BPTF: variants seen among roughly 807,000 people sequenced by gnomAD.
The protein encoded by BPTF is nucleosome-remodeling factor subunit BPTF.
Under a neutral mutation model 292.5 loss-of-function variants are expected in BPTF, and 18 were observed. That is an observed-to-expected ratio of 0.06 (90% CI 0.04 to 0.09). The LOEUF (loss-of-function observed/expected upper bound fraction) is 0.09, where lower values mean the gene tolerates loss of function less well. Ranked by LOEUF, BPTF falls within the 10% of genes least tolerant of loss-of-function variation. BPTF has a pLI of 1.00. For synonymous variants in BPTF, 1,225 were observed against 1,251.9 expected, an observed-to-expected ratio of 0.98 and a Z score of 0.45; for missense variants, 2,726 against 3,498.7, an observed-to-expected ratio of 0.78 and a Z score of 5.57.
chr17:67,870,927 G>A (rs926759414), intron 3 of BPTF, among the ~76,000 whole-genome samples: 1 of 151,164 alleles, frequency 6.6e-6, no homozygotes, highest in East Asian at 1.9e-4. Flanking sequence ...CCGCCACTAC[G>A]CCCGGCTAAT....
chr17:67,828,914 C>T (rs1438910223), intron 1 of BPTF, among the ~76,000 whole-genome samples: 1 of 152,210 alleles, frequency 6.6e-6, no homozygotes, highest in Non-Finnish European at 1.5e-5. Flanking sequence ...AAGTATTGAG[C>T]TTATTCCCCC....
chr17:67,945,258 G>A (rs2065718101), intron 20 of BPTF, 151 bp from the exon 21 acceptor site: 7 of 1,383,220 alleles, frequency 5.1e-6, no homozygotes, highest in East Asian at 4.9e-5. Flanking sequence ...TTGCTCAAAC[G>A]ATCCTCCCAC....
At chr17:67,882,541 A>G (rs1415702512) in intron 4 of BPTF, among the ~76,000 whole-genome samples, 1 of 152,226 alleles carries the variant, frequency 6.6e-6, no homozygotes, top group Non-Finnish European at 1.5e-5. Flanking sequence ...GTGCATTAAT[A>G]ATAAGAGGAA....
intron 26 of BPTF, among the ~76,000 whole-genome samples, 196 bp downstream of exon 26, chr17:67,966,852 A>G (rs1363767487): frequency 1.3e-5 from 2 of 152,166 alleles, no homozygotes; most frequent in Admixed American, 6.6e-5. Flanking sequence ...CTGTAATCCC[A>G]GCACTTTGGG....
Position 67,913,194 on chromosome 17 carries a change from A to G in BPTF, c.5303+7A>G, listed in dbSNP as rs1239693152. The G allele has an allele frequency of 9.0e-6, 14 of 1,563,234 alleles. No individual in the cohort carries two copies. The highest frequency in any genetic ancestry group is 2.1e-5 in the Admixed American group (1 of 47,560). ...CCTTTGGCATCACTTGGAGGTATGTACTTTAAAATGTATTTGGGGGAGGGA... is the reference window on the plus strand; with the variant it reads ...CCTTTGGCATCACTTGGAGGTATGTGCTTTAAAATGTATTTGGGGGAGGGA... On this transcript the variant is annotated splice_region_variant and intron_variant, in intron 11 of 27. Coordinates refer to ENST00000306378, the MANE Select transcript of BPTF (RefSeq NM_182641.4).
intron 12 of BPTF, among the ~76,000 whole-genome samples, chr17:67,919,724 T>C (rs2063311179): frequency 6.6e-6 from 1 of 152,208 alleles, no homozygotes; most frequent in Non-Finnish European, 1.5e-5. Flanking sequence ...TGGAGGCCTG[T>C]GCTTGCTGCT....
At chr17:67,942,767 C>G (rs1555672567) in intron 19 of BPTF, among the ~76,000 whole-genome samples, 1 of 152,106 alleles carries the variant, frequency 6.6e-6, no homozygotes, top group Non-Finnish European at 1.5e-5. Flanking sequence ...GTAGTATATT[C>G]CTACAGCAAT....
At chr17:67,971,670 G>A (rs962972870) in intron 26 of BPTF, among the ~76,000 whole-genome samples, 1 of 151,782 alleles carries the variant, frequency 6.6e-6, no homozygotes, top group Admixed American at 6.6e-5. Flanking sequence ...CGGGCATGGT[G>A]GTGTGTGCCT....
intron 26 of BPTF, chr17:67,974,322 T>G (rs1555692689): frequency 1.3e-5 from 2 of 152,038 alleles, no homozygotes; most frequent in Admixed American, 6.6e-5. Flanking sequence ...TCCTGTGCTC[T>G]CACGCTACGG....
intron 11 of BPTF, among the ~76,000 whole-genome samples, chr17:67,917,131 C>CCTTTTT (rs2063065953): frequency 2.8e-5 from 3 of 105,746 alleles, no homozygotes; most frequent in African/African-American, 1.1e-4. Flanking sequence ...TGGTATTGTC[C>CCTTTTT]TTTTTTTTTT....
intron 26 of BPTF, chr17:67,973,859 T>C (rs2069084226): frequency 6.6e-6 from 1 of 151,928 alleles, no homozygotes; most frequent in Non-Finnish European, 1.5e-5. Flanking sequence ...ACACCCTTAA[T>C]ATATGTGAAA....
intron 2 of BPTF, among the ~76,000 whole-genome samples, chr17:67,858,935 G>T (rs2058901724): frequency 6.6e-6 from 1 of 152,100 alleles, no homozygotes; most frequent in Admixed American, 6.5e-5. Flanking sequence ...CATCTTTAAG[G>T]CTCATTACAC....
chr17:67,879,210 C>T (rs11867517), intron 4 of BPTF, among the ~76,000 whole-genome samples: 30,025 of 149,066 alleles, frequency 0.2, 3,808 homozygotes, highest in East Asian at 0.66. Flanking sequence ...GGTGCGATCT[C>T]GGCTCACCAC....
intron 11 of BPTF, among the ~76,000 whole-genome samples, chr17:67,917,131 CTTT>C (rs943348736): frequency 6.6e-5 from 7 of 105,776 alleles, no homozygotes; most frequent in Non-Finnish European, 1.1e-4. Flanking sequence ...TGGTATTGTC[CTTT>C]TTTTTTTTTT....
At position 67,982,560 on chromosome 17, in the gene BPTF, AG is replaced by A; in HGVS notation, c.*273del. 3.0e-6 allele frequency: 1 copy of A among 329,446 alleles called. No individual in the cohort carries two copies. Among genetic ancestry groups the A allele is most frequent in the Non-Finnish European group, 5.5e-6 (1 of 180,850 alleles). The allele number at this position is 329,446 out of a possible 1,614,324, so 20.4% of individuals were successfully genotyped here. ...GAAAACTTTGTTTATTGAAAAAAAA[AG>A]AAAAAGAAAGCAAGAAAAAAAGATA... On this transcript the variant is annotated 3_prime_UTR_variant, in exon 28 of 28. Transcript: ENST00000306378.
intron 12 of BPTF, among the ~76,000 whole-genome samples, chr17:67,919,205 AT>A (rs1244988054): frequency 9.1e-5 from 13 of 143,094 alleles, no homozygotes; most frequent in African/African-American, 3.2e-4. Flanking sequence ...AATAATAATA[AT>A]AATAATAATA....
chr17:67,923,449 T>G (rs1406930264), intron 14 of BPTF, among the ~76,000 whole-genome samples: 7 of 150,320 alleles, frequency 4.7e-5, no homozygotes, highest in Non-Finnish European at 4.4e-5. Context: ...GTAAATAGTT[T>G]AGTAAGGTCC....
chr17:67,840,966 G>A (rs558096753), intron 1 of BPTF, among the ~76,000 whole-genome samples: 1 of 152,200 alleles, frequency 6.6e-6, no homozygotes, highest in Non-Finnish European at 1.5e-5. Flanking sequence ...AGTGCCTTGC[G>A]TTTCATTCTC....
At chr17:67,970,478 GATA>G (rs782360473) in intron 26 of BPTF, among the ~76,000 whole-genome samples, 6 of 152,222 alleles carry the variant, frequency 3.9e-5, no homozygotes, top group Non-Finnish European at 5.9e-5. Flanking sequence ...GGTACATAAA[GATA>G]ATAATATAGA....
Sources: allele counts gnomAD v4.1 joint callset (sites outside exome capture counted in the v4.1 genomes callset), GRCh38; gene constraint gnomAD v4.1.1; transcripts MANE v1.5; gene names NCBI Gene and HGNC (gene_info 2026-07-23, HGNC 2026-07-21).